The following ANK2 variants were observed in gnomAD, a reference collection of about 807,000 sequenced individuals.
ANK2 encodes ankyrin-2.
A neutral mutation model predicts 360.5 loss-of-function variants in ANK2; 83 were observed. The ratio of observed to expected loss-of-function variants is 0.23; its 90% CI spans 0.19 to 0.28. The LOEUF (loss-of-function observed/expected upper bound fraction) is 0.28. Among genes scored for constraint, ANK2 ranks in the 10% least tolerant of loss-of-function variants. The pLI, the probability that ANK2 is intolerant of heterozygous loss-of-function variation, is 1.00. For missense variants in ANK2, 4,201 were observed against 4,795.7 expected, an observed-to-expected ratio of 0.88 and a Z score of 3.66; for synonymous variants, 1,740 against 1,759.5, an observed-to-expected ratio of 0.99 and a Z score of 0.28.
intron 2 of ANK2, among the ~76,000 whole-genome samples, chr4:113,017,656 T>C (rs1006897285): frequency 1.3e-5 from 2 of 152,216 alleles, no homozygotes; most frequent in Non-Finnish European, 2.9e-5. Context: ...ACACGCAGAA[T>C]TTTGTATAGA....
chr4:113,070,993 C>T (rs1371786026), intron 1 of ANK2, among the ~76,000 whole-genome samples: 1 of 151,336 alleles, frequency 6.6e-6, no homozygotes, highest in African/African-American at 2.4e-5. Flanking sequence ...AAAATTACAC[C>T]CCAGAGAAGT....
intron 1 of ANK2, among the ~76,000 whole-genome samples, chr4:113,063,111 T>C (rs2074218375): frequency 1.3e-5 from 2 of 152,074 alleles, no homozygotes; most frequent in Non-Finnish European, 1.5e-5. Flanking sequence ...TAAAAAGATA[T>C]CCAGTAGAAT....
the ANK2 span, among the ~76,000 whole-genome samples, chr4:112,741,259 G>A: frequency 3.5e-4 from 53 of 152,292 alleles, no homozygotes; most frequent in African/African-American, 1.3e-3. Context: ...AAATTCTCAG[G>A]AGAAAGAGAT....
At chr4:112,744,071 C>A in the ANK2 span, among the ~76,000 whole-genome samples, 1 of 152,046 alleles carries the variant, frequency 6.6e-6, no homozygotes, top group Admixed American at 6.6e-5. Flanking sequence ...TTCTGCCCAC[C>A]TCGGCCTCCC....
the ANK2 span, among the ~76,000 whole-genome samples, chr4:112,811,246 G>C: frequency 2.0e-5 from 3 of 151,816 alleles, no homozygotes; most frequent in Non-Finnish European, 4.4e-5. Flanking sequence ...CACGAGACTG[G>C]ATCAGTTTTC....
At chr4:113,093,307 C>T (rs684932) in intron 1 of ANK2, among the ~76,000 whole-genome samples, 23,264 of 152,062 alleles carry the variant, frequency 0.15, 2,413 homozygotes, top group African/African-American at 0.3. Flanking sequence ...TATATCTAAT[C>T]CCAAATCCAT....
At chr4:112,917,250 C>G (rs1449712872) in intron 2 of ANK2, among the ~76,000 whole-genome samples, 1 of 152,210 alleles carries the variant, frequency 6.6e-6, no homozygotes, top group East Asian at 1.9e-4. Context: ...TTATTGATAA[C>G]TCTCGTGGAT....
intron 1 of ANK2, among the ~76,000 whole-genome samples, chr4:113,159,324 T>C (rs1408428311): frequency 6.6e-6 from 1 of 152,118 alleles, no homozygotes; most frequent in Non-Finnish European, 1.5e-5. Context: ...AGATACATTT[T>C]ATATACATAG....
At chr4:112,957,966 G>A (rs933110812) in intron 2 of ANK2, among the ~76,000 whole-genome samples, 2 of 148,542 alleles carry the variant, frequency 1.3e-5, no homozygotes, top group African/African-American at 5.0e-5. Flanking sequence ...GGGGCGGCGG[G>A]GCAGAGGCGC....
intron 26 of ANK2, among the ~76,000 whole-genome samples, chr4:113,329,154 C>T (rs1237558237): frequency 6.6e-6 from 1 of 152,156 alleles, no homozygotes. Flanking sequence ...TATACGTATA[C>T]ACAACACTTA....
At chr4:113,149,629 C>T (rs1011596266) in intron 1 of ANK2, among the ~76,000 whole-genome samples, 2 of 151,784 alleles carry the variant, frequency 1.3e-5, no homozygotes, top group Non-Finnish European at 2.9e-5. Context: ...AATCCCATCA[C>T]TTTGGGAGGC....
Position 113,353,888 on chromosome 4 carries a change from T to C in ANK2, c.5270T>C (p.Leu1757Ser). The C allele has an allele frequency of 1.2e-6, 2 of 1,614,034 alleles. No homozygotes were observed. The highest frequency in any genetic ancestry group is 1.7e-6 in the Non-Finnish European group (2 of 1,179,958). ...PLPTVKATSP[L>S]IEETPIGSIK... ...CCCACTGTCAAGGCCACATCTCCTT[T>C]GATAGAAGAAACTCCCATTGGTTCC... Residue 1757 changes from leucine (L) to serine (S), a missense_variant, in exon 38 of 46, where the codon TTG becomes TCG. By Grantham distance (145) the Leu-to-Ser change is moderately radical. Coordinates refer to ENST00000357077, the MANE Select transcript of ANK2 (RefSeq NM_001148.6).
At chr4:112,808,403 A>G in the ANK2 span, among the ~76,000 whole-genome samples, 1 of 152,380 alleles carries the variant, frequency 6.6e-6, no homozygotes, top group African/African-American at 2.4e-5. Flanking sequence ...AGGAGTAATC[A>G]AATATTATGT....
chr4:112,840,566 C>G (rs534985689), intron 1 of ANK2, among the ~76,000 whole-genome samples: 2 of 152,096 alleles, frequency 1.3e-5, no homozygotes, highest in Non-Finnish European at 2.9e-5. Flanking sequence ...CATAATGTAG[C>G]CCCTGGGGTG....
At chr4:112,893,896 C>G (rs1476609822) in intron 1 of ANK2, among the ~76,000 whole-genome samples, 4 of 152,180 alleles carry the variant, frequency 2.6e-5, no homozygotes, top group Admixed American at 6.5e-5. Flanking sequence ...ACTGGGGAGG[C>G]TGAGGCACGA....
intron 1 of ANK2, among the ~76,000 whole-genome samples, chr4:113,170,643 T>TA (rs1051079023): frequency 3.3e-5 from 5 of 152,176 alleles, no homozygotes; most frequent in African/African-American, 1.2e-4. Context: ...GACATGCCCC[T>TA]AGAGCCTTTG....
At chr4:113,367,988 G>A in intron 42 of ANK2, 137 bp downstream of exon 42, 1 of 1,079,536 alleles carries the variant, frequency 9.3e-7, no homozygotes, top group Non-Finnish European at 1.3e-6. Context: ...AGAGCTAAAG[G>A]GGAAAAAAAA....
chr4:112,998,768 T>C (rs1236323625), intron 2 of ANK2, among the ~76,000 whole-genome samples: 5 of 152,210 alleles, frequency 3.3e-5, no homozygotes, highest in Non-Finnish European at 4.4e-5. Flanking sequence ...ATCTCTAAAA[T>C]AAGCATATAG....
chr4:113,334,404 G>T (rs1325125920), intron 29 of ANK2, among the ~76,000 whole-genome samples: 1 of 152,052 alleles, frequency 6.6e-6, no homozygotes, highest in African/African-American at 2.4e-5. Context: ...ATTTTCCTCT[G>T]AGATATTTAC....
Sources: gnomAD v4.1 joint callset for allele counts (sites outside exome capture counted in the v4.1 genomes callset) on GRCh38, gnomAD v4.1.1 for gene constraint, MANE v1.5 for transcripts, NCBI Gene and HGNC (gene_info 2026-07-23, HGNC 2026-07-21) for gene names.